The following ACVRL1 variants were observed in gnomAD, a reference collection of about 807,000 sequenced individuals.
ACVRL1 encodes the protein activin A receptor like type 1, also known as activin receptor type-1-like.
In ACVRL1, 20 loss-of-function variants were observed where a neutral mutation model predicts 51.9. The observed-to-expected ratio is 0.39, with a 90% CI of 0.27 to 0.56. ACVRL1 has a LOEUF of 0.56. Among genes scored for constraint, ACVRL1 ranks in the 20% least tolerant of loss-of-function variants. The pLI is 0.67. For synonymous variants in ACVRL1, 288 were observed against 280.9 expected (o/e 1.03, Z -0.25); for missense variants, 451 against 670.3 (o/e 0.67, Z 3.61).
rs200849547 is a variant in ACVRL1, at chr12:51,919,142, G to T, written c.1377+27G>T. ...TGAGGCCTCTGCTGGGACTAGGATG[G>T]CGTGGGGTGGTGGCTCATGGCTGGG... is the stretch of plus-strand genomic sequence containing the variant. On this transcript the variant is annotated intron_variant, in intron 9 of 9. Coordinates refer to ENST00000388922, the MANE Select transcript of ACVRL1 (RefSeq NM_000020.3). 2.4e-5 allele frequency: 39 copies of T among 1,613,520 alleles called. No individual in the cohort carries two copies. In the East Asian group the frequency reaches 8.7e-4, roughly 36 times the overall value.
intron 7 of ACVRL1, 34 bp downstream of exon 7, chr12:51,915,534 A>C (rs757107064): frequency 1.3e-6 from 2 of 1,586,564 alleles, no homozygotes; most frequent in East Asian, 4.5e-5. Flanking sequence ...CGCCCTTCAC[A>C]GGTGGGCGGA....
chr12:51,917,995 G>C lies in ACVRL1; in HGVS notation c.1247-990G>C, dbSNP rs539527014. Among the ~76,000 whole-genome samples, 1 of 152,362 alleles carries C rather than the reference G, an allele frequency of 6.6e-6. No individual in the cohort carries two copies. Among genetic ancestry groups the C allele is most frequent in the African/African-American group, 2.4e-5 (1 of 41,586 alleles). Reference sequence around the variant, plus strand: ...CTGATTAGGGCGTGAGCGGCACAGGGGCCGGCCTGGAAGCTGGCCATGGGG... The same window carrying C: ...CTGATTAGGGCGTGAGCGGCACAGGCGCCGGCCTGGAAGCTGGCCATGGGG... On this transcript the variant is annotated intron_variant, in intron 8 of 9. Coordinates refer to ENST00000388922, the MANE Select transcript of ACVRL1 (RefSeq NM_000020.3). This position sits in a 1 kb window ranked among gnomAD's most constrained non-coding sequence, Gnocchi z 4.2.
chr12:51,915,891 G>A, intron 7 of ACVRL1, 145 bp from the exon 8 acceptor site: 1 of 852,646 alleles, frequency 1.2e-6, no homozygotes, highest in Admixed American at 2.7e-5. Context: ...TTCTCTCTGT[G>A]GCCACTGCCT....
chr12:51,907,119 CA>C (rs1465081113), upstream of ACVRL1: 6 of 152,248 alleles, frequency 3.9e-5, no homozygotes, highest in Non-Finnish European at 8.8e-5. This position sits in a 1 kb window ranked among gnomAD's most constrained non-coding sequence, Gnocchi z 4.5. Context: ...TACCCCCACC[CA>C]CTACTCCGGC....
intron 6 of ACVRL1, among the ~76,000 whole-genome samples, chr12:51,915,009 G>A (rs1045147472): frequency 1.3e-5 from 2 of 152,100 alleles, no homozygotes; most frequent in East Asian, 1.9e-4. Flanking sequence ...CTCCCAAAGT[G>A]TTGGGATTAC....
chr12:51,916,002 A>T (rs748261802), intron 7 of ACVRL1, 34 bp from the exon 8 acceptor site: 1 of 1,598,990 alleles, frequency 6.3e-7, no homozygotes, highest in Admixed American at 1.7e-5. Context: ...CAGGTTTGGG[A>T]GAGGGGCAGG....
chr12:51,922,244 G>C lies in ACVRL1; in HGVS notation c.*1351G>C, dbSNP rs886049616. Reference sequence around the variant, plus strand: ...CAAGGAGTGTCTGGAGCACCTCCTAGTCTAAGTCTGCAAGCTCCAGTTCTT... The same window carrying C: ...CAAGGAGTGTCTGGAGCACCTCCTACTCTAAGTCTGCAAGCTCCAGTTCTT... On this transcript the variant is annotated 3_prime_UTR_variant, in exon 10 of 10. Transcript: ENST00000388922. 1 of 152,128 alleles carries C rather than the reference G, an allele frequency of 6.6e-6. No individual in the cohort carries two copies. Among genetic ancestry groups the C allele is most frequent in the Non-Finnish European group, 1.5e-5 (1 of 68,008 alleles). The allele number at this position is 152,128 out of a possible 1,614,324, so 9.4% of individuals were successfully genotyped here. A position where few individuals can be genotyped will look rare whatever the true frequency, so the allele number is the denominator to read the frequency against.
intron 4 of ACVRL1, 86 bp from the exon 5 acceptor site, chr12:51,913,888 G>T (rs1940761221): frequency 6.4e-7 from 1 of 1,570,310 alleles, no homozygotes. Context: ...GGAGCTTGCA[G>T]TGACCCAGCA....
At position 51,914,386 on chromosome 12, in the gene ACVRL1, C is replaced by T. The variant is rs111245531; in HGVS notation, c.626-53C>T. Reference sequence around the variant, plus strand: ...CGCAGCATCAAGATGGGGGGCTCTTCCAGGGCTCTGTGTGCCCAGTGTGTA... The same window carrying T: ...CGCAGCATCAAGATGGGGGGCTCTTTCAGGGCTCTGTGTGCCCAGTGTGTA... On this transcript the variant is annotated intron_variant, in intron 5 of 9. Transcript: ENST00000388922. 8,725 of 1,612,554 alleles carry T rather than the reference C, an allele frequency of 5.4e-3. 171 individuals carry two copies. In the African/African-American group the frequency reaches 0.064, roughly 12 times the overall value.
Position 51,913,361 on chromosome 12 carries a change from C to T in ACVRL1, c.313+11C>T, listed in dbSNP as rs2071218. 0.43 allele frequency: 699,684 copies of T among 1,608,936 alleles called. 155,139 individuals carry two copies. Among genetic ancestry groups the T allele is most frequent in the African/African-American group, 0.55 (41,373 of 74,858 alleles). ...CCCTGGTGCTGGAGGGTACGTCCAG[C>T]TGCCCTAGCACTCCCTCCCCATCTT... On this transcript the variant is annotated intron_variant, in intron 3 of 9. Coordinates refer to ENST00000388922, the MANE Select transcript of ACVRL1 (RefSeq NM_000020.3).
intron 4 of ACVRL1, 66 bp downstream of exon 4, chr12:51,913,836 G>C (rs1940759351): frequency 1.9e-6 from 3 of 1,591,874 alleles, no homozygotes; most frequent in Admixed American, 3.5e-5. Context: ...GAATCAGAGG[G>C]GTCACCCAGA....
At chr12:51,912,670 A>G in intron 2 of ACVRL1, 135 bp downstream of exon 2, 1 of 782,744 alleles carries the variant, frequency 1.3e-6, no homozygotes, top group Non-Finnish European at 2.2e-6. Context: ...AGTGGAGGAC[A>G]GTGAGGCTCC....
chr12:51,917,149 C>T lies in ACVRL1; in HGVS notation c.1246+916C>T, dbSNP rs1013896062. ...TGTCCCCATTTTACAGTTGAGGAGA[C>T]GGGGGCACAGAATGACAGTGGGCTT... On this transcript the variant is annotated intron_variant, in intron 8 of 9. Coordinates refer to ENST00000388922, the MANE Select transcript of ACVRL1 (RefSeq NM_000020.3). The surrounding 1 kb of genome is among the most constrained non-coding windows in gnomAD (Gnocchi z 4.2). Among the ~76,000 whole-genome samples the T allele has an allele frequency of 1.3e-5, 2 of 152,108 alleles. No individual in the cohort carries two copies. Among genetic ancestry groups the T allele is most frequent in the African/African-American group, 2.4e-5 (1 of 41,380 alleles).
chr12:51,920,747 C>G lies in ACVRL1; in HGVS notation c.1378-12C>G. 6.2e-7 allele frequency: 1 copy of G among 1,613,468 alleles called. No homozygotes were observed. The highest frequency in any genetic ancestry group is 8.5e-7 in the Non-Finnish European group (1 of 1,180,004). ...TGCCTCCTCTCCTCTGCACCTCTCTCCCAACCCCCAGGTCCTCTCAGGCCT... is the reference window on the plus strand; with the variant it reads ...TGCCTCCTCTCCTCTGCACCTCTCTGCCAACCCCCAGGTCCTCTCAGGCCT... On this transcript the variant is annotated splice_polypyrimidine_tract_variant and intron_variant, in intron 9 of 9. Coordinates refer to ENST00000388922, the MANE Select transcript of ACVRL1 (RefSeq NM_000020.3).
intron 1 of ACVRL1, chr12:51,912,222 C>T (rs1439273712): frequency 3.3e-6 from 2 of 613,196 alleles, no homozygotes; most frequent in East Asian, 2.7e-5. Context: ...TAGGGTTTCC[C>T]CAAGCTCTCA....
intron 1 of ACVRL1, among the ~76,000 whole-genome samples, chr12:51,911,367 G>A (rs1436600130): frequency 6.6e-6 from 1 of 152,176 alleles, no homozygotes; most frequent in Non-Finnish European, 1.5e-5. Context: ...AGCCATGGAA[G>A]GTCAAACATT....
chr12:51,918,651 C>A lies in ACVRL1; in HGVS notation c.1247-334C>A, dbSNP rs377531708. On this transcript the variant is annotated intron_variant, in intron 8 of 9. Coordinates refer to ENST00000388922, the MANE Select transcript of ACVRL1 (RefSeq NM_000020.3). ...GCCTCTGCCATTACTAGCTGTGGAACCTTGGGCCCCCCTTCTCTGAGCATC... is the reference window on the plus strand; with the variant it reads ...GCCTCTGCCATTACTAGCTGTGGAAACTTGGGCCCCCCTTCTCTGAGCATC... 8.5e-5 allele frequency among the ~76,000 whole-genome samples: 13 copies of A among 152,274 alleles called. 1 individual carries two copies. Among genetic ancestry groups the A allele is most frequent in the African/African-American group, 2.2e-4 (9 of 41,546 alleles).
Position 51,914,380 on chromosome 12 carries a change from G to T in ACVRL1, c.626-59G>T, listed in dbSNP as rs537246355. 0.017 allele frequency: 27,512 copies of T among 1,610,618 alleles called. 258 individuals carry two copies. Among genetic ancestry groups the T allele is most frequent in the Non-Finnish European group, 0.021 (24,245 of 1,177,894 alleles). Reference sequence around the variant, plus strand: ...AGGCAGCGCAGCATCAAGATGGGGGGCTCTTCCAGGGCTCTGTGTGCCCAG... The same window carrying T: ...AGGCAGCGCAGCATCAAGATGGGGGTCTCTTCCAGGGCTCTGTGTGCCCAG... On this transcript the variant is annotated intron_variant, in intron 5 of 9. Coordinates refer to ENST00000388922, the MANE Select transcript of ACVRL1 (RefSeq NM_000020.3).
rs372554349 is a variant in ACVRL1 at position 51,913,378 on chromosome 12, C to G, written c.313+28C>G. Reference sequence around the variant, plus strand: ...ACGTCCAGCTGCCCTAGCACTCCCTCCCCATCTTCTTGGCCCCTGCCCTCC... The same window carrying G: ...ACGTCCAGCTGCCCTAGCACTCCCTGCCCATCTTCTTGGCCCCTGCCCTCC... On this transcript the variant is annotated intron_variant, in intron 3 of 9. Transcript: ENST00000388922. 5.6e-6 allele frequency: 9 copies of G among 1,608,772 alleles called. 1 individual carries two copies. In the South Asian group the frequency reaches 1.0e-4, roughly 18 times the overall value.
Sources: gnomAD v4.1 joint callset for allele counts (sites outside exome capture counted in the v4.1 genomes callset) on GRCh38, gnomAD v4.1.1 for gene constraint, Gnocchi (gnomAD v3.1) non-coding constraint, MANE v1.5 for transcripts, NCBI Gene and HGNC (gene_info 2026-07-23, HGNC 2026-07-21) for gene names.